PTPRD: variants seen among roughly 807,000 people sequenced by gnomAD.
PTPRD encodes the protein protein tyrosine phosphatase receptor type D, also known as receptor-type tyrosine-protein phosphatase delta.
A neutral mutation model predicts 214.5 loss-of-function variants in PTPRD; 34 were observed. That is an observed-to-expected ratio of 0.16 (90% CI 0.12 to 0.21). The LOEUF (loss-of-function observed/expected upper bound fraction) is 0.21. Among genes scored for constraint, PTPRD ranks in the 10% least tolerant of loss-of-function variants. The pLI is 1.00. For synonymous variants in PTPRD, 1,128 were observed against 845.7 expected, an observed-to-expected ratio of 1.33 and a Z score of -5.79; for missense variants, 2,545 against 2,398.7, an observed-to-expected ratio of 1.06 and a Z score of -1.27.
At chr9:10,190,371 G>C (rs1315175213) in intron 3 of PTPRD, among the ~76,000 whole-genome samples, 1 of 107,430 alleles carries the variant, frequency 9.3e-6, no homozygotes, top group Admixed American at 1.4e-4. Context: ...CTGGGCGTCA[G>C]AGACTCTATC....
At chr9:9,369,175 A>G (rs369924365) in intron 9 of PTPRD, among the ~76,000 whole-genome samples, 5 of 151,724 alleles carry the variant, frequency 3.3e-5, no homozygotes, top group African/African-American at 1.2e-4. Context: ...TGGACATTTG[A>G]GTTGGTTCCA....
intron 2 of PTPRD, among the ~76,000 whole-genome samples, chr9:10,378,644 C>A (rs1014552072): frequency 6.6e-6 from 1 of 151,884 alleles, no homozygotes. Context: ...GGACTTGTTT[C>A]TGGGTTCTCT....
chr9:9,368,554 G>C (rs899661548), intron 9 of PTPRD, among the ~76,000 whole-genome samples: 2 of 151,782 alleles, frequency 1.3e-5, no homozygotes, highest in African/African-American at 2.4e-5. Flanking sequence ...AGAGAGGCTA[G>C]GTTGAGGCAA....
chr9:10,589,492 C>A (rs1327236716), intron 2 of PTPRD, among the ~76,000 whole-genome samples: 1 of 151,980 alleles, frequency 6.6e-6, no homozygotes, highest in Non-Finnish European at 1.5e-5. Flanking sequence ...CAATAAATGA[C>A]TAAGACATTA....
chr9:10,182,524 T>C (rs569244683), intron 3 of PTPRD, among the ~76,000 whole-genome samples: 39 of 152,182 alleles, frequency 2.6e-4, no homozygotes, highest in African/African-American at 9.1e-4. Context: ...TATTTATCAG[T>C]AATATCTCTA....
At chr9:9,235,574 T>C (rs1010684607) in intron 9 of PTPRD, among the ~76,000 whole-genome samples, 1 of 152,104 alleles carries the variant, frequency 6.6e-6, no homozygotes, top group Non-Finnish European at 1.5e-5. Flanking sequence ...AGAAAAGGTA[T>C]CACCCCATTT....
At chr9:9,763,345 T>C (rs981281675) in intron 6 of PTPRD, among the ~76,000 whole-genome samples, 1 of 152,142 alleles carries the variant, frequency 6.6e-6, no homozygotes, top group African/African-American at 2.4e-5. Flanking sequence ...CAAAAGCACA[T>C]CAAATACATG....
rs892286020 is a variant in PTPRD at position 9,922,228 on chromosome 9, C to T, written c.-368+16279G>A. The stretch of plus-strand genomic sequence containing the variant: ...AATTCATCAAGTTCTAAGGTGGTTG[C>T]TCTCTCTTCCTCTACAGTGGGCAAT... On this transcript the variant is annotated intron_variant, in intron 5 of 45. Transcript: ENST00000381196. 5.9e-5 allele frequency among the ~76,000 whole-genome samples: 9 copies of T among 152,216 alleles called. No individual in the cohort carries two copies. The South Asian group carries it at 1.9e-3, about 32-fold the overall frequency.
rs2099321965 is a variant in PTPRD, at chr9:10,184,900, C to G, written c.-544-151110G>C. Among the ~76,000 whole-genome samples the G allele has an allele frequency of 5.3e-5, 8 of 152,154 alleles. No homozygotes were observed. In the South Asian group the frequency reaches 1.7e-3, roughly 32 times the overall value. On this transcript the variant is annotated intron_variant, in intron 3 of 45. Coordinates refer to ENST00000381196, the MANE Select transcript of PTPRD (RefSeq NM_002839.4). ...TTTTATTCCTTTTTACACATCACACCTGAAGGGCAGGAAGACTTAAAGCAC... is the reference window on the plus strand; with the variant it reads ...TTTTATTCCTTTTTACACATCACACGTGAAGGGCAGGAAGACTTAAAGCAC...
At chr9:10,342,876 G>C (rs997917103) in intron 2 of PTPRD, among the ~76,000 whole-genome samples, 7 of 151,990 alleles carry the variant, frequency 4.6e-5, no homozygotes, top group South Asian at 2.1e-4. Flanking sequence ...TAAATGTTTT[G>C]AATGAACAAA....
chr9:8,597,142 C>A (rs2094518697), intron 14 of PTPRD, among the ~76,000 whole-genome samples: 1 of 152,018 alleles, frequency 6.6e-6, no homozygotes, highest in African/African-American at 2.4e-5. Flanking sequence ...TTCATTTATT[C>A]CCAAAGTGAA....
intron 10 of PTPRD, among the ~76,000 whole-genome samples, chr9:9,127,265 C>T (rs1247842778): frequency 6.6e-6 from 1 of 152,164 alleles, no homozygotes; most frequent in Non-Finnish European, 1.5e-5. Flanking sequence ...GACAGTGACC[C>T]AGCTGGGAAT....
At chr9:10,173,392 T>C (rs1564315666) in intron 3 of PTPRD, among the ~76,000 whole-genome samples, 1 of 152,150 alleles carries the variant, frequency 6.6e-6, no homozygotes, top group Non-Finnish European at 1.5e-5. Context: ...AAAGTTTAAG[T>C]GATTTGCCCG....
chr9:10,489,486 T>C (rs1199108772), intron 2 of PTPRD, among the ~76,000 whole-genome samples: 1 of 152,118 alleles, frequency 6.6e-6, no homozygotes, highest in Non-Finnish European at 1.5e-5. Context: ...GTATGGCACA[T>C]GTACACTGTC....
chr9:10,247,824 G>C (rs1412915705), intron 3 of PTPRD, among the ~76,000 whole-genome samples: 1 of 152,096 alleles, frequency 6.6e-6, no homozygotes, highest in Non-Finnish European at 1.5e-5. Flanking sequence ...ATACAACGAG[G>C]TGGCAATGGG....
chr9:9,944,999 G>C (rs561385145), intron 4 of PTPRD, among the ~76,000 whole-genome samples: 1 of 129,390 alleles, frequency 7.7e-6, no homozygotes, highest in Non-Finnish European at 1.5e-5. Flanking sequence ...TAGTGGAGAG[G>C]TGTTGAGAGG....
chr9:9,408,622 C>T (rs981565147), intron 8 of PTPRD, among the ~76,000 whole-genome samples: 3 of 151,682 alleles, frequency 2.0e-5, no homozygotes, highest in Non-Finnish European at 4.4e-5. Context: ...TTAAGGAACC[C>T]GACATTACAT....
rs149718107 is a variant in PTPRD at position 10,000,302 on chromosome 9, A to C, written c.-472+33416T>G. Among the ~76,000 whole-genome samples the C allele has an allele frequency of 4.9e-3, 739 of 152,296 alleles. 5 individuals carry two copies. Among genetic ancestry groups the C allele is most frequent in the African/African-American group, 0.017 (717 of 41,562 alleles). On this transcript the variant is annotated intron_variant, in intron 4 of 45. Transcript: ENST00000381196. ...AGTTATAGTCTATAGGACCCCCACT[A>C]ACAGTGATAATTTTAATACTCATAA... is the stretch of plus-strand genomic sequence containing the variant.
intron 37 of PTPRD, among the ~76,000 whole-genome samples, chr9:8,376,982 T>C (rs1564394903): frequency 6.6e-6 from 1 of 152,130 alleles, no homozygotes; most frequent in Admixed American, 6.6e-5. Flanking sequence ...TGCAGATTGT[T>C]GCTGGGTAAA....
Sources: allele counts gnomAD v4.1 joint callset (sites outside exome capture counted in the v4.1 genomes callset), GRCh38; gene constraint gnomAD v4.1.1; transcripts MANE v1.5; gene names NCBI Gene and HGNC (gene_info 2026-07-23, HGNC 2026-07-21).